The following MITF variants were observed in gnomAD, a reference collection of about 807,000 sequenced individuals.
MITF encodes melanocyte inducing transcription factor.
MITF carries 17 observed loss-of-function variants against 60.5 expected under a neutral mutation model. The ratio of observed to expected loss-of-function variants is 0.28; its 90% confidence interval spans 0.19 to 0.42. MITF has a LOEUF of 0.42. Ranked by LOEUF, MITF falls within the 10% of genes least tolerant of loss-of-function variation. The probability of loss-of-function intolerance (pLI) is 1.00; values close to 1 mark genes in which losing one functional copy is unlikely to be tolerated. For synonymous variants in MITF, 260 were observed against 248.5 expected, an observed-to-expected ratio of 1.05 and a Z score of -0.43; for missense variants, 622 against 683.5, an observed-to-expected ratio of 0.91 and a Z score of 1.00.
intron 2 of MITF, among the ~76,000 whole-genome samples, chr3:69,907,215 A>G (rs1575932796): frequency 6.6e-6 from 1 of 152,156 alleles, no homozygotes; most frequent in African/African-American, 2.4e-5. Flanking sequence ...TAAGTCGTCC[A>G]TTGAGCTCTG....
At chr3:69,905,630 C>T (rs2065082897) in intron 2 of MITF, among the ~76,000 whole-genome samples, 1 of 152,036 alleles carries the variant, frequency 6.6e-6, no homozygotes, top group South Asian at 2.1e-4. Context: ...TTCCTTATAT[C>T]CTCTCCCACA....
intron 1 of MITF, among the ~76,000 whole-genome samples, chr3:69,819,615 C>CAACAA (rs56902121): frequency 0.45 from 68,262 of 150,498 alleles, 17,017 homozygotes; most frequent in Non-Finnish European, 0.58. Context: ...AGAGTGAACT[C>CAACAA]AACAAAACAA....
chr3:69,959,553 C>G, intron 9 of MITF, 133 bp downstream of exon 9: 1 of 1,204,182 alleles, frequency 8.3e-7, no homozygotes, highest in Non-Finnish European at 1.2e-6. Flanking sequence ...TTTGTGGATT[C>G]TGTGTGTGTG....
intron 1 of MITF, among the ~76,000 whole-genome samples, chr3:69,867,595 C>G (rs1212433902): frequency 6.6e-6 from 1 of 152,022 alleles, no homozygotes; most frequent in Admixed American, 6.5e-5. Flanking sequence ...TAAAATGTCA[C>G]TATGCTAGAA....
At chr3:69,867,198 G>A (rs899846505) in intron 1 of MITF, among the ~76,000 whole-genome samples, 11 of 152,016 alleles carry the variant, frequency 7.2e-5, no homozygotes, top group African/African-American at 2.7e-4. Flanking sequence ...AACGTTCCTG[G>A]GTCATGGGAG....
intron 1 of MITF, among the ~76,000 whole-genome samples, chr3:69,750,916 T>G (rs1205140771): frequency 6.6e-6 from 1 of 152,080 alleles, no homozygotes; most frequent in Non-Finnish European, 1.5e-5. Context: ...AATCAGAAAA[T>G]GAATTTATTG....
intron 1 of MITF, among the ~76,000 whole-genome samples, chr3:69,745,139 A>G (rs1400906139): frequency 6.6e-6 from 1 of 152,212 alleles, no homozygotes; most frequent in Non-Finnish European, 1.5e-5. Context: ...CACTATTATG[A>G]ATATTAACTC....
chr3:69,921,229 C>T (rs769307542), intron 2 of MITF, among the ~76,000 whole-genome samples: 4 of 152,154 alleles, frequency 2.6e-5, no homozygotes, highest in Non-Finnish European at 5.9e-5. Flanking sequence ...TGTGAAACTC[C>T]GTAAGCTTAT....
At chr3:69,821,811 A>G (rs6764340) in intron 1 of MITF, among the ~76,000 whole-genome samples, 75,999 of 151,804 alleles carry the variant, frequency 0.5, 20,771 homozygotes, top group Non-Finnish European at 0.63. Flanking sequence ...GAGTGCAGCG[A>G]CGTGATCTCG....
chr3:69,815,110 A>G (rs1036312649), intron 1 of MITF, among the ~76,000 whole-genome samples: 2 of 152,220 alleles, frequency 1.3e-5, no homozygotes, highest in Non-Finnish European at 2.9e-5. Flanking sequence ...AATGTTTACC[A>G]TAAATACAAT....
intron 1 of MITF, among the ~76,000 whole-genome samples, chr3:69,858,533 G>A (rs542451429): frequency 6.6e-6 from 1 of 152,150 alleles, no homozygotes; most frequent in African/African-American, 2.4e-5. Flanking sequence ...TCCTGGGTAT[G>A]TTTACATAGA....
chr3:69,816,487 T>C (rs1013614639), intron 1 of MITF, among the ~76,000 whole-genome samples: 1 of 152,200 alleles, frequency 6.6e-6, no homozygotes, highest in Non-Finnish European at 1.5e-5. Flanking sequence ...TTTTGTCTGA[T>C]TTTCTAGTTG....
chr3:69,858,273 T>C (rs1359282138), intron 1 of MITF, among the ~76,000 whole-genome samples: 1 of 152,168 alleles, frequency 6.6e-6, no homozygotes, highest in Non-Finnish European at 1.5e-5. Flanking sequence ...TATGATTGAT[T>C]AGAGTTTATT....
intron 2 of MITF, among the ~76,000 whole-genome samples, chr3:69,927,376 G>A (rs1287104111): frequency 1.3e-5 from 2 of 152,136 alleles, no homozygotes; most frequent in East Asian, 3.9e-4. Flanking sequence ...TTGAGGGGTG[G>A]GGGACAAGGG....
At chr3:69,941,362 C>G (rs117615581) in intron 5 of MITF, 31 bp downstream of exon 5, 1 of 1,414,532 alleles carries the variant, frequency 7.1e-7, no homozygotes, top group Non-Finnish European at 1.0e-6. Flanking sequence ...AGTAGAAAAT[C>G]TTGAGGTGTT....
At position 69,966,050 on chromosome 3, in the gene MITF, A is replaced by T. The variant is rs190223113; in HGVS notation, c.*802A>T. 15 of 232,610 alleles carry T rather than the reference A, an allele frequency of 6.4e-5. No homozygotes were observed. The highest frequency in any genetic ancestry group is 3.9e-4 in the Admixed American group (7 of 17,788). 14.4% of individuals were successfully genotyped at this position (232,610 alleles called of 1,614,324 possible). On this transcript the variant is annotated 3_prime_UTR_variant, in exon 10 of 10. Coordinates refer to ENST00000352241, the MANE Select transcript of MITF (RefSeq NM_001354604.2). ...CAAAGTAAAATATTGAGGAGCACTG[A>T]AAGTATGTTTTACTTTTTTTTTATT...
At position 69,951,768 on chromosome 3, in the gene MITF, C is replaced by T. The variant is rs998575408; in HGVS notation, c.881-44C>T. 2.7e-6 allele frequency: 4 copies of T among 1,502,298 alleles called. No homozygotes were observed. In the African/African-American group the frequency reaches 5.5e-5, roughly 21 times the overall value. The allele number at this position is 1,502,298 out of a possible 1,614,324, so 93.1% of individuals were successfully genotyped here. A position where few individuals can be genotyped will look rare whatever the true frequency, so the allele number is the denominator to read the frequency against. On this transcript the variant is annotated intron_variant, in intron 6 of 9. Transcript: ENST00000352241. ...ATTTTGTAGTTTACATTTTGTGCAACTTCAAACAGTTCCAACTTCTAATGA... is the reference window on the plus strand; with the variant it reads ...ATTTTGTAGTTTACATTTTGTGCAATTTCAAACAGTTCCAACTTCTAATGA...
At chr3:69,956,593 G>A (rs574769822) in intron 8 of MITF, 63 bp downstream of exon 8, 6 of 1,384,302 alleles carry the variant, frequency 4.3e-6, no homozygotes, top group Admixed American at 3.4e-5. Context: ...TTTTTCATAC[G>A]TTGTAAAAAA....
Position 69,967,093 on chromosome 3 carries a change from G to A in MITF, c.*1845G>A. 1 of 232,756 alleles carries A rather than the reference G, an allele frequency of 4.3e-6. No homozygotes were observed. Among genetic ancestry groups the A allele is most frequent in the East Asian group, 6.1e-5 (1 of 16,456 alleles). The allele number at this position is 232,756 out of a possible 1,614,324, so 14.4% of individuals were successfully genotyped here. On this transcript the variant is annotated 3_prime_UTR_variant, in exon 10 of 10. Coordinates refer to ENST00000352241, the MANE Select transcript of MITF (RefSeq NM_001354604.2). ...TAAATGTCAAATGTGAATTGGTGATGGGTGATGGAGGGTTCAGAGAGGAGT... is the reference window on the plus strand; with the variant it reads ...TAAATGTCAAATGTGAATTGGTGATAGGTGATGGAGGGTTCAGAGAGGAGT...
Sources: allele counts gnomAD v4.1 joint callset (sites outside exome capture counted in the v4.1 genomes callset), GRCh38; gene constraint gnomAD v4.1.1; transcripts MANE v1.5; gene names NCBI Gene and HGNC (gene_info 2026-07-23, HGNC 2026-07-21).